Variants in FHIT observed in about 807,000 individuals in gnomAD.
The protein encoded by FHIT is fragile histidine triad diadenosine triphosphatase.
A neutral mutation model predicts 17.9 loss-of-function variants in FHIT; 19 were observed. That is an observed-to-expected ratio of 1.06 (90% CI 0.74 to 1.56). FHIT has a LOEUF of 1.56. Among genes scored for constraint, FHIT ranks in the 40% most tolerant of loss-of-function variants. The probability of loss-of-function intolerance (pLI) is 0.00; values close to 1 mark genes in which losing one functional copy is unlikely to be tolerated. For missense variants in FHIT, 248 were observed against 189.2 expected (o/e 1.31, Z -1.82); for synonymous variants, 81 against 69.7 (o/e 1.16, Z -0.81).
intron 5 of FHIT, among the ~76,000 whole-genome samples, chr3:60,362,917 A>G (rs1209504182): frequency 6.6e-6 from 1 of 152,186 alleles, no homozygotes; most frequent in African/African-American, 2.4e-5. Flanking sequence ...CATAACAATG[A>G]CCATAAGCAG....
At chr3:61,035,421 A>G (rs1385650558) in intron 3 of FHIT, among the ~76,000 whole-genome samples, 1 of 152,216 alleles carries the variant, frequency 6.6e-6, no homozygotes, top group Non-Finnish European at 1.5e-5. Flanking sequence ...CAAAAAAATT[A>G]CATTACAGTT....
intron 1 of FHIT, among the ~76,000 whole-genome samples, chr3:61,207,117 A>G (rs1353317482): frequency 6.6e-6 from 1 of 152,226 alleles, no homozygotes; most frequent in East Asian, 1.9e-4. Flanking sequence ...ATGCTGGATT[A>G]CGTTAATTGA....
intron 5 of FHIT, among the ~76,000 whole-genome samples, chr3:60,502,378 T>G (rs1019465541): frequency 2.6e-5 from 4 of 152,210 alleles, no homozygotes; most frequent in Non-Finnish European, 5.9e-5. Context: ...CTGTCCTGAA[T>G]GACCTTGCAC....
At chr3:60,421,437 T>C (rs1319013500) in intron 5 of FHIT, among the ~76,000 whole-genome samples, 1 of 152,150 alleles carries the variant, frequency 6.6e-6, no homozygotes, top group African/African-American at 2.4e-5. Context: ...TGTTTTCAGA[T>C]CATTTCAGAT....
chr3:60,799,527 C>T (rs1365180328), intron 4 of FHIT, among the ~76,000 whole-genome samples: 1 of 152,200 alleles, frequency 6.6e-6, no homozygotes, highest in African/African-American at 2.4e-5. Context: ...TCTTCCCTAT[C>T]TTCCAACTTT....
intron 5 of FHIT, among the ~76,000 whole-genome samples, chr3:60,250,424 G>A (rs1015159977): frequency 6.6e-6 from 1 of 152,188 alleles, no homozygotes; most frequent in Non-Finnish European, 1.5e-5. Flanking sequence ...GGAGAGGAAA[G>A]TTGGTTCCTA....
chr3:60,817,395 T>C (rs1559745270), intron 4 of FHIT, among the ~76,000 whole-genome samples: 1 of 152,100 alleles, frequency 6.6e-6, no homozygotes, highest in Non-Finnish European at 1.5e-5. Context: ...TCCTTTAGCA[T>C]TTCTGTGGGG....
chr3:60,788,191 C>T (rs1464761412), intron 4 of FHIT, among the ~76,000 whole-genome samples: 2 of 152,088 alleles, frequency 1.3e-5, no homozygotes, highest in Non-Finnish European at 2.9e-5. Flanking sequence ...TCTCGGGAAG[C>T]TAAGGTGGGA....
intron 3 of FHIT, among the ~76,000 whole-genome samples, chr3:60,944,148 A>G (rs542971751): frequency 1.3e-5 from 2 of 152,344 alleles, no homozygotes; most frequent in South Asian, 4.1e-4. Context: ...AAGTTAAGAA[A>G]TTTGAACTTT....
chr3:60,838,823 G>A (rs1043101317), intron 3 of FHIT, among the ~76,000 whole-genome samples: 4 of 151,524 alleles, frequency 2.6e-5, no homozygotes, highest in African/African-American at 9.7e-5. Context: ...CAAAAATGCA[G>A]GTATGTACTT....
intron 8 of FHIT, among the ~76,000 whole-genome samples, chr3:59,778,504 G>A (rs2106868280): frequency 6.6e-6 from 1 of 152,292 alleles, no homozygotes; most frequent in Non-Finnish European, 1.5e-5. Flanking sequence ...ACTGTAAAGG[G>A]CCAGAGAGTA....
At position 60,462,731 on chromosome 3, in the gene FHIT, A is replaced by G. The variant is rs573856404; in HGVS notation, c.103+74129T>C. On this transcript the variant is annotated intron_variant, in intron 5 of 9. Coordinates refer to ENST00000492590, the MANE Select transcript of FHIT (RefSeq NM_002012.4). ...GTTATGGCCCCAGGCGGACAAGGAA[A>G]GACAGGAAGGTGCCAACCATGCTGG... Among the ~76,000 whole-genome samples, 21 of 152,264 alleles carry G rather than the reference A, an allele frequency of 1.4e-4. 2 individuals are homozygous for G. In the South Asian group the frequency reaches 4.4e-3, roughly 32 times the overall value.
At chr3:61,003,074 G>A (rs2031204574) in intron 3 of FHIT, among the ~76,000 whole-genome samples, 1 of 152,146 alleles carries the variant, frequency 6.6e-6, no homozygotes, top group African/African-American at 2.4e-5. Flanking sequence ...ATTACTTGTG[G>A]CATTTTGCAG....
intron 5 of FHIT, among the ~76,000 whole-genome samples, chr3:60,126,211 C>G (rs1006765436): frequency 3.3e-5 from 5 of 152,188 alleles, no homozygotes; most frequent in Admixed American, 1.3e-4. Context: ...TGCAGTACCA[C>G]TCCCTCACCT....
chr3:59,923,751 C>T (rs756759520), intron 7 of FHIT, among the ~76,000 whole-genome samples: 1 of 152,022 alleles, frequency 6.6e-6, no homozygotes, highest in Non-Finnish European at 1.5e-5. Flanking sequence ...GATCGGGTTC[C>T]GAGGCTCCAA....
intron 5 of FHIT, among the ~76,000 whole-genome samples, chr3:60,211,743 T>C (rs1218645574): frequency 1.3e-5 from 2 of 152,132 alleles, no homozygotes; most frequent in South Asian, 2.1e-4. Context: ...GAGAGTATGG[T>C]TGAAATGAAA....
intron 4 of FHIT, among the ~76,000 whole-genome samples, chr3:60,564,838 T>C (rs537529344): frequency 6.6e-6 from 1 of 152,176 alleles, no homozygotes; most frequent in African/African-American, 2.4e-5. Flanking sequence ...ATTTGGACCA[T>C]TATACCAACT....
chr3:59,933,749 T>A (rs569065548), intron 7 of FHIT, among the ~76,000 whole-genome samples: 2 of 152,338 alleles, frequency 1.3e-5, no homozygotes, highest in South Asian at 4.1e-4. Flanking sequence ...AGTTCTGCTG[T>A]GGACAATAAA....
intron 2 of FHIT, among the ~76,000 whole-genome samples, chr3:61,043,549 G>C (rs1189358032): frequency 2.0e-5 from 3 of 152,222 alleles, no homozygotes; most frequent in Non-Finnish European, 4.4e-5. Flanking sequence ...CCACCTCTGG[G>C]GGCAGGGCAC....
Sources: gnomAD v4.1 joint callset for allele counts (sites outside exome capture counted in the v4.1 genomes callset) on GRCh38, gnomAD v4.1.1 for gene constraint, MANE v1.5 for transcripts, NCBI Gene and HGNC (gene_info 2026-07-23, HGNC 2026-07-21) for gene names.